KLF3: variants seen among roughly 807,000 people sequenced by gnomAD.
The protein encoded by KLF3 is Krueppel-like factor 3.
A neutral mutation model predicts 32.7 loss-of-function variants in KLF3; 6 were observed. The observed-to-expected ratio is 0.18, with a 90% CI of 0.10 to 0.36. The LOEUF is 0.36. Among genes scored for constraint, KLF3 ranks in the 10% least tolerant of loss-of-function variants. The pLI is 1.00. For synonymous variants in KLF3, 145 were observed against 172.8 expected, an observed-to-expected ratio of 0.84 and a Z score of 1.26; for missense variants, 338 against 449.7, an observed-to-expected ratio of 0.75 and a Z score of 2.25.
chr4:38,667,362 C>T (rs1722075809), intron 1 of KLF3, among the ~76,000 whole-genome samples: 1 of 152,148 alleles, frequency 6.6e-6, no homozygotes, highest in Non-Finnish European at 1.5e-5. Context: ...ATCAGTAGCC[C>T]AGACCAGGCT....
intron 5 of KLF3, among the ~76,000 whole-genome samples, chr4:38,696,348 C>T (rs1723045280): frequency 6.6e-6 from 1 of 152,110 alleles, no homozygotes; most frequent in African/African-American, 2.4e-5. Context: ...TTGTCATACT[C>T]ATGACCCTTA....
intron 1 of KLF3, among the ~76,000 whole-genome samples, chr4:38,677,818 G>A (rs2074260409): frequency 1.3e-5 from 2 of 152,018 alleles, no homozygotes; most frequent in Non-Finnish European, 2.9e-5. Context: ...ATTTAGTGTT[G>A]TGTGTACAGA....
intron 1 of KLF3, among the ~76,000 whole-genome samples, chr4:38,669,410 G>C (rs369022190): frequency 7.9e-5 from 12 of 152,148 alleles, no homozygotes; most frequent in African/African-American, 2.9e-4. Context: ...AGTCATGCCC[G>C]AGCTGGAGAC....
chr4:38,678,154 G>C (rs1722407360), intron 1 of KLF3, among the ~76,000 whole-genome samples: 1 of 152,172 alleles, frequency 6.6e-6, no homozygotes, highest in South Asian at 2.1e-4. Context: ...AGTGTAAAAA[G>C]CTGGGGGTGA....
chr4:38,669,031 C>T (rs1579115052), intron 1 of KLF3, among the ~76,000 whole-genome samples: 1 of 152,150 alleles, frequency 6.6e-6, no homozygotes. Context: ...TTAATATTTT[C>T]AAATCAACAT....
In KLF3 at chr4:38,674,976, T is replaced by C. The variant is rs1238413238; in HGVS notation, c.-39-5611T>C. Among the ~76,000 whole-genome samples, 2 of 152,198 alleles carry C rather than the reference T, an allele frequency of 1.3e-5. No individual in the cohort carries two copies. Among genetic ancestry groups the C allele is most frequent in the African/African-American group, 4.8e-5 (2 of 41,448 alleles). ...GGACTGTGTGTGTGTTTCTAAGCCC[T>C]GCAGCTCACCTGCAGCCCCGCTCCC... On this transcript the variant is annotated intron_variant, in intron 1 of 5. Coordinates refer to ENST00000261438, the MANE Select transcript of KLF3 (RefSeq NM_016531.6). This position sits in a 1 kb window ranked among gnomAD's most constrained non-coding sequence, Gnocchi z 4.1.
chr4:38,667,847 T>G (rs746103001), intron 1 of KLF3, among the ~76,000 whole-genome samples: 1 of 152,244 alleles, frequency 6.6e-6, no homozygotes, highest in Non-Finnish European at 1.5e-5. Context: ...GGCTTTAGTT[T>G]AAGTCTTGCT....
chr4:38,689,404 G>A (rs556267962), intron 3 of KLF3, among the ~76,000 whole-genome samples: 3 of 152,268 alleles, frequency 2.0e-5, no homozygotes, highest in Non-Finnish European at 2.9e-5. Flanking sequence ...TTTTGATTGT[G>A]GTGAAAACTA....
rs1233358394 is a variant in KLF3, at chr4:38,688,030, A to G, written c.58-555A>G. On this transcript the variant is annotated intron_variant, in intron 2 of 5. Coordinates refer to ENST00000261438, the MANE Select transcript of KLF3 (RefSeq NM_016531.6). The surrounding 1 kb of genome is among the most constrained non-coding windows in gnomAD (Gnocchi z 4.9). Reference sequence around the variant, plus strand: ...AAGGTACTGCCTATCCTGCAGCCCCATTCTTGCTTATTATACACAAGTATG... The same window carrying G: ...AAGGTACTGCCTATCCTGCAGCCCCGTTCTTGCTTATTATACACAAGTATG... 6.6e-6 allele frequency among the ~76,000 whole-genome samples: 1 copy of G among 152,190 alleles called. No homozygotes were observed. The highest frequency in any genetic ancestry group is 2.4e-5 in the African/African-American group (1 of 41,456).
intron 1 of KLF3, among the ~76,000 whole-genome samples, chr4:38,677,108 G>T (rs540648804): frequency 7.2e-5 from 11 of 152,024 alleles, no homozygotes; most frequent in African/African-American, 2.7e-4. Context: ...TTGCAGGTGT[G>T]CGCCACCACA....
At chr4:38,675,397 C>CT (rs926963475) in intron 1 of KLF3, among the ~76,000 whole-genome samples, 1 of 151,870 alleles carries the variant, frequency 6.6e-6, no homozygotes, top group Admixed American at 6.6e-5. Context: ...CCTTCCCCCC[C>CT]CTTTTGGATG....
intron 1 of KLF3, among the ~76,000 whole-genome samples, chr4:38,675,682 G>A (rs971454078): frequency 2.0e-5 from 3 of 152,122 alleles, no homozygotes; most frequent in Admixed American, 2.0e-4. Context: ...ATTTACTGCC[G>A]GTGTCCTGGT....
Position 38,697,172 on chromosome 4 carries a change from G to A in KLF3, c.947G>A (p.Gly316Glu). 1 of 1,614,056 alleles carries A rather than the reference G, an allele frequency of 6.2e-7. No homozygotes were observed. The highest frequency in any genetic ancestry group is 8.5e-7 in the Non-Finnish European group (1 of 1,179,994). The change falls in exon 6 of 6, where the codon GGA becomes GAA. Residue 316 changes from glycine (G) to glutamate (E), a missense_variant. Transcript: ENST00000261438. ...ELTRHFRKHT[G>E]IKPFQCPDCD... ...ACAAGACATTTCCGAAAACATACTGGAATCAAACCTTTCCAGTGCCCGGAC... is the reference window on the plus strand; with the variant it reads ...ACAAGACATTTCCGAAAACATACTGAAATCAAACCTTTCCAGTGCCCGGAC...
chr4:38,665,094 C>T (rs952731132), intron 1 of KLF3, among the ~76,000 whole-genome samples: 3 of 151,684 alleles, frequency 2.0e-5, no homozygotes, highest in African/African-American at 7.3e-5. Flanking sequence ...AAACTTAGGG[C>T]AATTGGGATT....
intron 1 of KLF3, among the ~76,000 whole-genome samples, chr4:38,676,956 GT>G (rs34392158): frequency 0.029 from 3,036 of 105,482 alleles, 36 homozygotes; most frequent in East Asian, 0.12. Context: ...GTGCCAGTGT[GT>G]TTTTTTTTTT....
intron 1 of KLF3, among the ~76,000 whole-genome samples, chr4:38,680,256 C>T (rs1722478572): frequency 1.3e-5 from 2 of 151,956 alleles, no homozygotes; most frequent in Non-Finnish European, 2.9e-5. Context: ...CTCCATCACC[C>T]AGGCTGGAGT....
At position 38,671,152 on chromosome 4, in the gene KLF3, G is replaced by A. The variant is rs1722185807; in HGVS notation, c.-40+6691G>A. Among the ~76,000 whole-genome samples the A allele has an allele frequency of 6.6e-6, 1 of 152,194 alleles. No homozygotes were observed. Among genetic ancestry groups the A allele is most frequent in the Non-Finnish European group, 1.5e-5 (1 of 68,030 alleles). ...AGAACAGAAAGTGCCCGGGTCTGCA[G>A]GCAGACACGCTTCTGTTCCTGGCTG... On this transcript the variant is annotated intron_variant, in intron 1 of 5. Transcript: ENST00000261438. This position sits in a 1 kb window ranked among gnomAD's most constrained non-coding sequence, Gnocchi z 4.4.
chr4:38,694,665 G>A (rs542135620), intron 4 of KLF3, 81 bp from the exon 5 acceptor site: 238 of 1,230,966 alleles, frequency 1.9e-4, no homozygotes, highest in Non-Finnish European at 2.4e-4. Flanking sequence ...TTTTTGCCCA[G>A]TGTTGTTAAT....
intron 1 of KLF3, among the ~76,000 whole-genome samples, chr4:38,665,566 CTAAAA>C (rs1263766404): frequency 6.6e-6 from 1 of 152,196 alleles, no homozygotes; most frequent in Non-Finnish European, 1.5e-5. Flanking sequence ...TTGTATTTCA[CTAAAA>C]TAAACATTTT....
Sources: allele counts gnomAD v4.1 joint callset (sites outside exome capture counted in the v4.1 genomes callset), GRCh38; gene constraint gnomAD v4.1.1; non-coding constraint Gnocchi (gnomAD v3.1); transcripts MANE v1.5; gene names NCBI Gene and HGNC (gene_info 2026-07-23, HGNC 2026-07-21).